MTMR1: variants seen among roughly 807,000 people sequenced by gnomAD.
MTMR1 encodes myotubularin related protein 1, also known as phosphatidylinositol-3-phosphate phosphatase MTMR1.
Under a neutral mutation model 51.6 loss-of-function variants are expected in MTMR1, and 17 were observed. That is an observed-to-expected ratio of 0.33 (90% confidence interval 0.23 to 0.49). MTMR1 has a LOEUF of 0.49. MTMR1 is among the 20% of genes least tolerant of loss of function. MTMR1 has a pLI of 0.99. For synonymous variants in MTMR1, 201 were observed against 205.6 expected (o/e 0.98, Z 0.19); for missense variants, 386 against 526.9 (o/e 0.73, Z 2.62).
At chrX:150,762,034 G>C (rs966428541) in intron 15 of MTMR1, among the ~76,000 whole-genome samples, 1 of 112,644 alleles carries the variant, frequency 8.9e-6, no homozygotes, top group Non-Finnish European at 1.9e-5. Flanking sequence ...TGCCCGCTCC[G>C]GGGGGCTTCT....
At chrX:150,702,448 G>C (rs1250128632) in intron 2 of MTMR1, among the ~76,000 whole-genome samples, 5 of 111,496 alleles carry the variant, frequency 4.5e-5, no homozygotes, top group African/African-American at 1.6e-4. Context: ...CTGCATTTCT[G>C]GTATATTACT....
At position 150,764,887 on chromosome X, in the gene MTMR1, G is replaced by GTATT. The variant is rs2043251751; in HGVS notation, c.*2160_*2163dup. The stretch of plus-strand genomic sequence containing the variant: ...TTGTATTTGTCTCATCTGTTGCACT[G>GTATT]TATTTCAATCATCTGTAATTAAAAT... On this transcript the variant is annotated 3_prime_UTR_variant, in exon 16 of 16. Coordinates refer to ENST00000445323, the MANE Select transcript of MTMR1 (RefSeq NM_001306144.3). 1 of 112,288 alleles carries GTATT rather than the reference G, an allele frequency of 8.9e-6. No homozygotes were observed. Among genetic ancestry groups the GTATT allele is most frequent in the Non-Finnish European group, 1.9e-5 (1 of 53,324 alleles). The allele number at this position is 112,288 out of a possible 1,213,427, so 9.3% of individuals were successfully genotyped here. A position where few individuals can be genotyped will look rare whatever the true frequency, so the allele number is the denominator to read the frequency against.
chrX:150,718,608 T>TGCCAGGCTC lies in MTMR1; in HGVS notation c.277-17_277-16insGCCAGGCTC. 6.4e-6 allele frequency: 5 copies of TGCCAGGCTC among 777,096 alleles called. No homozygotes were observed. The highest frequency in any genetic ancestry group is 8.4e-6 in the Non-Finnish European group (5 of 596,794). The allele number at this position is 777,096 out of a possible 1,213,427, so 64.0% of individuals were successfully genotyped here. ...CCTTTTTTTTTTTTTTTTTTTTTTTTTTTTTTTTTTTGCCAGGCTCTAAGG... is the reference window on the plus strand; with the variant it reads ...CCTTTTTTTTTTTTTTTTTTTTTTTTGCCAGGCTCTTTTTTTTTTTGCCAGGCTCTAAGG... On this transcript the variant is annotated splice_polypyrimidine_tract_variant and intron_variant, in intron 3 of 15. Transcript: ENST00000445323.
At chrX:150,703,739 A>C (rs988483934) in intron 2 of MTMR1, among the ~76,000 whole-genome samples, 4 of 112,137 alleles carry the variant, frequency 3.6e-5, no homozygotes, top group Non-Finnish European at 7.5e-5. Context: ...CTACTTCTGT[A>C]ATCTATAGCC....
intron 2 of MTMR1, among the ~76,000 whole-genome samples, chrX:150,700,949 A>G (rs1457005450): frequency 8.9e-6 from 1 of 112,534 alleles, no homozygotes; most frequent in South Asian, 3.6e-4. Flanking sequence ...ATCTCAGTCT[A>G]TTTACAAATT....
At chrX:150,734,530 C>G (rs1032989370) in intron 10 of MTMR1, among the ~76,000 whole-genome samples, 18 of 112,328 alleles carry the variant, frequency 1.6e-4, no homozygotes, top group African/African-American at 5.2e-4. Context: ...ACCACCATAT[C>G]CCAAGGAATT....
intron 3 of MTMR1, among the ~76,000 whole-genome samples, chrX:150,713,899 G>GTA (rs1171886978): frequency 1.2e-5 from 1 of 86,566 alleles, no homozygotes; most frequent in East Asian, 3.9e-4. Context: ...AAACAGACAT[G>GTA]TATATATATG....
chrX:150,700,535 G>A (rs2040871285), intron 2 of MTMR1, among the ~76,000 whole-genome samples: 1 of 112,464 alleles, frequency 8.9e-6, no homozygotes, highest in South Asian at 3.6e-4. Context: ...CCATAAAAGA[G>A]CAGCTGGGGC....
Position 150,714,416 on chromosome X carries a change from G to A in MTMR1, c.276+2051G>A. The stretch of plus-strand genomic sequence containing the variant: ...AGAAATTCTGTCCTTTCACCTGTCT[G>A]TTTGCACGTGTTTCTCTTTCTCCTC... On this transcript the variant is annotated intron_variant, in intron 3 of 15. Transcript: ENST00000445323. 2 of 774,565 alleles carry A rather than the reference G, an allele frequency of 2.6e-6. 1 individual carries two copies. Among genetic ancestry groups the A allele is most frequent in the Non-Finnish European group, 3.5e-6 (2 of 571,625 alleles). The allele number at this position is 774,565 out of a possible 1,213,427, so 63.8% of individuals were successfully genotyped here.
chrX:150,739,765 G>A (rs1281681757), intron 12 of MTMR1, among the ~76,000 whole-genome samples: 4 of 112,389 alleles, frequency 3.6e-5, no homozygotes, highest in Non-Finnish European at 7.5e-5. Context: ...CACTGTTAAT[G>A]TGCAGCATCT....
intron 1 of MTMR1, among the ~76,000 whole-genome samples, chrX:150,697,883 T>C (rs1309819068): frequency 8.9e-6 from 1 of 112,124 alleles, no homozygotes; most frequent in East Asian, 2.8e-4. Context: ...GGTTGTTCCA[T>C]GTCCTGTTGA....
intron 10 of MTMR1, 101 bp from the exon 11 acceptor site, chrX:150,736,494 G>A: frequency 1.3e-6 from 1 of 778,396 alleles, no homozygotes; most frequent in East Asian, 3.3e-5. Flanking sequence ...TTTATTTGCA[G>A]ATGAGTTTGT....
chrX:150,709,371 A>T (rs1285229023), intron 2 of MTMR1, among the ~76,000 whole-genome samples: 2 of 112,067 alleles, frequency 1.8e-5, no homozygotes, highest in Non-Finnish European at 3.8e-5. Context: ...TGAGGATTTC[A>T]TGGCAGTAAG....
intron 15 of MTMR1, among the ~76,000 whole-genome samples, chrX:150,761,360 G>T (rs2043122611): frequency 8.9e-6 from 1 of 112,013 alleles, no homozygotes; most frequent in Non-Finnish European, 1.9e-5. Context: ...GAGGGACCTG[G>T]CTGCCCCCTT....
chrX:150,717,714 C>T (rs782097052), intron 3 of MTMR1, among the ~76,000 whole-genome samples: 1 of 111,617 alleles, frequency 9.0e-6, no homozygotes, highest in East Asian at 2.8e-4. Context: ...TGGCACTATC[C>T]AACCAAGCTC....
At position 150,718,716 on chromosome X, in the gene MTMR1, A is replaced by G. The variant is rs1407380715; in HGVS notation, c.352+16A>G. On this transcript the variant is annotated intron_variant, in intron 4 of 15. Transcript: ENST00000445323. ...AAAGCCATTGGTAAGTTTAGTGTGT[A>G]CACTTCGCTTTTTGAGATCCATAAA... The G allele has an allele frequency of 1.7e-6, 2 of 1,168,503 alleles. No individual in the cohort carries two copies. The highest frequency in any genetic ancestry group is 2.3e-6 in the Non-Finnish European group (2 of 877,175).
At chrX:150,717,012 G>A (rs1332884542) in intron 3 of MTMR1, among the ~76,000 whole-genome samples, 1 of 111,169 alleles carries the variant, frequency 9.0e-6, no homozygotes, top group Non-Finnish European at 1.9e-5. Context: ...ATTATACTGT[G>A]GCGCCCTCTT....
At chrX:150,722,764 A>G (rs1474126559) in intron 4 of MTMR1, among the ~76,000 whole-genome samples, 1 of 110,496 alleles carries the variant, frequency 9.1e-6, no homozygotes, top group East Asian at 2.8e-4. Context: ...TATCTTGATA[A>G]TTGGTTTTTA....
At chrX:150,726,985 C>T in intron 4 of MTMR1, 1 of 255,183 alleles carries the variant, frequency 3.9e-6, no homozygotes, top group Non-Finnish European at 6.9e-6. Context: ...TTATGAGGCC[C>T]TTTACTTAAA....
Sources: allele counts gnomAD v4.1 joint callset (sites outside exome capture counted in the v4.1 genomes callset), GRCh38; gene constraint gnomAD v4.1.1; transcripts MANE v1.5; gene names NCBI Gene and HGNC (gene_info 2026-07-23, HGNC 2026-07-21).